The following DDX46 variants were observed in gnomAD, a reference collection of about 807,000 sequenced individuals.
DDX46 encodes DEAD-box helicase 46.
A neutral mutation model predicts 134.9 loss-of-function variants in DDX46; 30 were observed. That is an observed-to-expected ratio of 0.22 (90% confidence interval 0.17 to 0.30). The LOEUF (loss-of-function observed/expected upper bound fraction) is 0.30, where lower values mean the gene tolerates loss of function less well. Among genes scored for constraint, DDX46 ranks in the 10% least tolerant of loss-of-function variants. DDX46 has a pLI of 1.00. For missense variants in DDX46, 622 were observed against 1,248.7 expected, an observed-to-expected ratio of 0.50 and a Z score of 7.56; for synonymous variants, 415 against 404.1, an observed-to-expected ratio of 1.03 and a Z score of -0.32.
chr5:134,799,684 G>T (rs1343306470), intron 15 of DDX46, among the ~76,000 whole-genome samples: 1 of 151,044 alleles, frequency 6.6e-6, no homozygotes. Context: ...GTTGCCATAA[G>T]CAGAGATTGC....
At chr5:134,805,123 G>C (rs868674110) in intron 15 of DDX46, 1 of 215,258 alleles carries the variant, frequency 4.6e-6, no homozygotes, top group Non-Finnish European at 9.8e-6. Context: ...TATGTCAAAT[G>C]CTTGACCATT....
chr5:134,778,144 A>G (rs1288560675), intron 6 of DDX46, among the ~76,000 whole-genome samples: 2 of 151,184 alleles, frequency 1.3e-5, no homozygotes, highest in Non-Finnish European at 2.9e-5. Flanking sequence ...TCAGCCTCCC[A>G]AGTAGCTGGA....
At chr5:134,824,215 C>T (rs553064789) in intron 21 of DDX46, among the ~76,000 whole-genome samples, 2 of 152,108 alleles carry the variant, frequency 1.3e-5, no homozygotes, top group South Asian at 2.1e-4. Flanking sequence ...CAGGAAATAA[C>T]GTCTAATTTT....
intron 4 of DDX46, among the ~76,000 whole-genome samples, chr5:134,771,458 C>T (rs1321336939): frequency 2.9e-5 from 4 of 139,320 alleles, no homozygotes; most frequent in South Asian, 2.3e-4. Flanking sequence ...TTTGGGAGGC[C>T]GAGGCGGGTG....
Position 134,811,617 on chromosome 5 carries a change from G to A in DDX46, c.2287-79G>A, listed in dbSNP as rs1755143805. The A allele has an allele frequency of 3.4e-6, 5 of 1,457,178 alleles. No homozygotes were observed. The South Asian group carries it at 7.0e-5, about 20-fold the overall frequency. The allele number at this position is 1,457,178 out of a possible 1,614,324, so 90.3% of individuals were successfully genotyped here. A position where few individuals can be genotyped will look rare whatever the true frequency, so the allele number is the denominator to read the frequency against. On this transcript the variant is annotated intron_variant, in intron 17 of 22. Transcript: ENST00000452510. Reference sequence around the variant, plus strand: ...TTATTACATTGACATACACCACCTTGAAAAATATTTAATTAGTATGAATTC... The same window carrying A: ...TTATTACATTGACATACACCACCTTAAAAAATATTTAATTAGTATGAATTC...
intron 21 of DDX46, chr5:134,825,760 C>G (rs565190364): frequency 1.3e-5 from 2 of 152,358 alleles, no homozygotes; most frequent in Admixed American, 1.3e-4. Context: ...TGATGGCTCT[C>G]TAATCTCTGC....
intron 5 of DDX46, among the ~76,000 whole-genome samples, chr5:134,774,416 C>A (rs1021049088): frequency 6.6e-6 from 1 of 152,102 alleles, no homozygotes; most frequent in Non-Finnish European, 1.5e-5. Context: ...GCTCCTGTGA[C>A]CATTGGTGTA....
intron 3 of DDX46, among the ~76,000 whole-genome samples, chr5:134,768,199 T>C (rs1188544319): frequency 6.6e-6 from 1 of 151,186 alleles, no homozygotes; most frequent in African/African-American, 2.4e-5. Flanking sequence ...AACCTTCGCC[T>C]CCCGGGTTCA....
intron 8 of DDX46, 99 bp downstream of exon 8, chr5:134,782,185 G>A (rs1754175152): frequency 1.6e-6 from 2 of 1,234,980 alleles, no homozygotes; most frequent in African/African-American, 3.1e-5. Context: ...ATGAAGGAGG[G>A]TGTTTTGGAA....
chr5:134,774,061 A>G (rs1561854628), intron 5 of DDX46, among the ~76,000 whole-genome samples, 200 bp downstream of exon 5: 1 of 152,158 alleles, frequency 6.6e-6, no homozygotes, highest in East Asian at 1.9e-4. Flanking sequence ...GTCTGTTTCC[A>G]TGACTTTTTC....
chr5:134,792,133 C>T (rs1480742548), intron 13 of DDX46, among the ~76,000 whole-genome samples: 1 of 151,994 alleles, frequency 6.6e-6, no homozygotes, highest in African/African-American at 2.4e-5. Context: ...GCCGAGATCG[C>T]ATTACTGTAC....
rs1451261130 is a variant in DDX46 at position 134,777,838 on chromosome 5, CCTCAT to C, written c.765+116_765+120del. 8 of 1,294,332 alleles carry C rather than the reference CCTCAT, an allele frequency of 6.2e-6. No individual in the cohort carries two copies. In the East Asian group the frequency reaches 2.0e-4, roughly 33 times the overall value. 80.2% of individuals were successfully genotyped at this position (1,294,332 alleles called of 1,614,324 possible). On this transcript the variant is annotated intron_variant, in intron 6 of 22. Transcript: ENST00000452510. ...TTGTAAAGCTAACAGTTTTCTTTCT[CCTCAT>C]CTGAGAGATGGCAGTACTTTTTCTG...
intron 21 of DDX46, among the ~76,000 whole-genome samples, chr5:134,821,896 GT>G (rs576418677): frequency 6.2e-4 from 83 of 133,092 alleles, no homozygotes; most frequent in South Asian, 3.9e-3. Context: ...GTTTTTTTTT[GT>G]TTTTTTTTTT....
Position 134,807,674 on chromosome 5 carries a change from A to G in DDX46, c.1955-74A>G, listed in dbSNP as rs891476876. ...GGATGTGTCAATTTGTTCTTCACTGAGTTTAGATTCTTGGTCAGAAGACAT... is the reference window on the plus strand; with the variant it reads ...GGATGTGTCAATTTGTTCTTCACTGGGTTTAGATTCTTGGTCAGAAGACAT... On this transcript the variant is annotated intron_variant, in intron 15 of 22. Transcript: ENST00000452510. The G allele has an allele frequency of 1.3e-5, 17 of 1,355,866 alleles. No homozygotes were observed. In the African/African-American group the frequency reaches 2.3e-4, roughly 19 times the overall value. 84.0% of individuals were successfully genotyped at this position (1,355,866 alleles called of 1,614,324 possible). A position where few individuals can be genotyped will look rare whatever the true frequency, so the allele number is the denominator to read the frequency against.
chr5:134,761,106 A>T (rs1753370031), intron 1 of DDX46, among the ~76,000 whole-genome samples: 1 of 152,036 alleles, frequency 6.6e-6, no homozygotes. Flanking sequence ...GCTCACTGCA[A>T]CCTATGCTTC....
Position 134,784,347 on chromosome 5 carries a change from C to G in DDX46, c.1167-19C>G. Reference sequence around the variant, plus strand: ...CAATCTCAATTCTTACCTTTTCTTCCTTTGGTTTTCTTTTTAAGGCATGGC... The same window carrying G: ...CAATCTCAATTCTTACCTTTTCTTCGTTTGGTTTTCTTTTTAAGGCATGGC... On this transcript the variant is annotated intron_variant, in intron 9 of 22. Transcript: ENST00000452510. The G allele has an allele frequency of 6.3e-7, 1 of 1,585,000 alleles. No homozygotes were observed. Among genetic ancestry groups the G allele is most frequent in the Admixed American group, 1.9e-5 (1 of 53,614 alleles).
chr5:134,784,587 G>C (rs201890053), intron 10 of DDX46, 46 bp downstream of exon 10: 1 of 1,531,862 alleles, frequency 6.5e-7, no homozygotes, highest in Admixed American at 2.1e-5. Context: ...CAGCTTTGTT[G>C]TCAAACAGAA....
chr5:134,806,449 A>G (rs1754989473), intron 15 of DDX46, among the ~76,000 whole-genome samples: 2 of 152,312 alleles, frequency 1.3e-5, no homozygotes, highest in East Asian at 1.9e-4. Context: ...ATTCAATTCT[A>G]AGGAATCAAT....
intron 21 of DDX46, among the ~76,000 whole-genome samples, chr5:134,820,454 C>T (rs780618863): frequency 3.3e-5 from 5 of 152,186 alleles, no homozygotes; most frequent in Non-Finnish European, 7.3e-5. Context: ...CCTCCGCCTT[C>T]AGGTTTCACG....
Sources: gnomAD v4.1 joint callset for allele counts (sites outside exome capture counted in the v4.1 genomes callset) on GRCh38, gnomAD v4.1.1 for gene constraint, MANE v1.5 for transcripts, NCBI Gene and HGNC (gene_info 2026-07-23, HGNC 2026-07-21) for gene names.